The following MMS22L variants were observed in gnomAD, a reference collection of about 807,000 sequenced individuals.
The protein encoded by MMS22L is protein MMS22-like.
Under a neutral mutation model 159.1 loss-of-function variants are expected in MMS22L, and 74 were observed. The ratio of observed to expected loss-of-function variants is 0.47; its 90% CI spans 0.39 to 0.56. The LOEUF is 0.56. MMS22L is among the 20% of genes least tolerant of loss of function. MMS22L has a pLI of 0.00. For synonymous variants in MMS22L, 517 were observed against 506.9 expected (o/e 1.02, Z -0.27); for missense variants, 1,351 against 1,422.1 (o/e 0.95, Z 0.80).
intron 15 of MMS22L, among the ~76,000 whole-genome samples, chr6:97,184,424 C>G (rs1047766592): frequency 6.6e-6 from 1 of 151,972 alleles, no homozygotes; most frequent in Non-Finnish European, 1.5e-5. Flanking sequence ...CTAGCTTGGA[C>G]CTCTTCCTGA....
intron 14 of MMS22L, among the ~76,000 whole-genome samples, chr6:97,224,247 T>C (rs1355253103): frequency 6.6e-6 from 1 of 152,150 alleles, no homozygotes; most frequent in Non-Finnish European, 1.5e-5. Context: ...CTTTATATAA[T>C]TGTCATTCTT....
At chr6:97,162,820 T>C (rs968912228) in intron 21 of MMS22L, among the ~76,000 whole-genome samples, 4 of 151,974 alleles carry the variant, frequency 2.6e-5, no homozygotes, top group Non-Finnish European at 5.9e-5. Context: ...TTAGAACAGG[T>C]CCGGGCCCAT....
At chr6:97,262,275 C>A (rs549423838) in intron 9 of MMS22L, among the ~76,000 whole-genome samples, 4 of 152,094 alleles carry the variant, frequency 2.6e-5, no homozygotes, top group Non-Finnish European at 5.9e-5. Flanking sequence ...ATTAAGTTTA[C>A]ATTTATTTGA....
At chr6:97,273,253 T>C (rs1042253480) in intron 4 of MMS22L, 191 bp from the exon 5 acceptor site, 1 of 579,588 alleles carries the variant, frequency 1.7e-6, no homozygotes, top group Non-Finnish European at 3.0e-6. Flanking sequence ...ACACCCACAT[T>C]GCCCAATCTA....
rs774929129 is a variant in MMS22L at position 97,168,257 on chromosome 6, G to GT, written c.2840-18dup. 6.2e-7 allele frequency: 1 copy of GT among 1,610,446 alleles called. No homozygotes were observed. The highest frequency in any genetic ancestry group is 1.1e-5 in the South Asian group (1 of 90,644). ...CAAGAATTCCTAACAAAGAAGAGAAGTAACAGCATGTTGTTGTTATCCTCT... is the reference window on the plus strand; with the variant it reads ...CAAGAATTCCTAACAAAGAAGAGAAGTTAACAGCATGTTGTTGTTATCCTCT... On this transcript the variant is annotated splice_polypyrimidine_tract_variant and intron_variant, in intron 19 of 24. Coordinates refer to ENST00000683635, the MANE Select transcript of MMS22L (RefSeq NM_001350599.2).
At chr6:97,172,256 C>G (rs1381110238) in intron 19 of MMS22L, among the ~76,000 whole-genome samples, 1 of 152,100 alleles carries the variant, frequency 6.6e-6, no homozygotes, top group South Asian at 2.1e-4. Context: ...CTGTAATTTA[C>G]ATCTTCTATA....
chr6:97,202,587 T>C (rs1020750651), intron 14 of MMS22L, among the ~76,000 whole-genome samples: 2 of 152,136 alleles, frequency 1.3e-5, no homozygotes, highest in African/African-American at 4.8e-5. Context: ...TACTGTAAAG[T>C]AAATAATATC....
At chr6:97,151,900 G>A in intron 22 of MMS22L, 33 bp from the exon 23 acceptor site, 1 of 1,534,396 alleles carries the variant, frequency 6.5e-7, no homozygotes, top group Non-Finnish European at 9.0e-7. Context: ...TAGGCACTGT[G>A]TCTGAATTGA....
chr6:97,175,097 G>T (rs1230158964), intron 18 of MMS22L, among the ~76,000 whole-genome samples: 1 of 152,006 alleles, frequency 6.6e-6, no homozygotes, highest in East Asian at 1.9e-4. Context: ...TATATCTATT[G>T]ATATTTATGA....
intron 18 of MMS22L, among the ~76,000 whole-genome samples, chr6:97,174,152 C>T (rs1473947829): frequency 6.6e-6 from 1 of 151,108 alleles, no homozygotes; most frequent in African/African-American, 2.4e-5. Context: ...ACTTGGGAGG[C>T]TGAGGCAGGA....
chr6:97,278,417 C>CA lies in MMS22L; in HGVS notation c.340+431dup, dbSNP rs529918135. 3.2e-3 allele frequency among the ~76,000 whole-genome samples: 452 copies of CA among 140,596 alleles called. 1 individual carries two copies. Among genetic ancestry groups the CA allele is most frequent in the African/African-American group, 0.011 (408 of 38,268 alleles). The allele number at this position is 140,596 out of a possible 152,430, so 92.2% of individuals were successfully genotyped here. On this transcript the variant is annotated intron_variant, in intron 4 of 24. Transcript: ENST00000683635. ...AACTCCCTATCAAAAAAAAAAAAAG[C>CA]AAAAAAAAACCAACTATACCAATCT...
chr6:97,178,603 T>C lies in MMS22L; in HGVS notation c.2537-18A>G, dbSNP rs937443430. 2.3e-6 allele frequency: 3 copies of C among 1,329,064 alleles called. No individual in the cohort carries two copies. The African/African-American group carries it at 4.5e-5, about 20-fold the overall frequency. The allele number at this position is 1,329,064 out of a possible 1,614,324, so 82.3% of individuals were successfully genotyped here. ...CTCTTTTTCTGTTAAAATAAAATAG[T>C]ATTTGTTATATCAATTTATATAACA... On this transcript the variant is annotated intron_variant, in intron 17 of 24. Coordinates refer to ENST00000683635, the MANE Select transcript of MMS22L (RefSeq NM_001350599.2).
rs189293460 is a variant in MMS22L, at chr6:97,142,220, T to C, written c.*4586A>G. The C allele has an allele frequency of 1.3e-5, 2 of 151,984 alleles. No homozygotes were observed. Among genetic ancestry groups the C allele is most frequent in the Admixed American group, 1.3e-4 (2 of 15,262 alleles). The allele number at this position is 151,984 out of a possible 1,614,324, so 9.4% of individuals were successfully genotyped here. A position where few individuals can be genotyped will look rare whatever the true frequency, so the allele number is the denominator to read the frequency against. ...TTTTATCATATGCACAAATAACTCATAAATATGTATATAAAACTAAAATGT... is the reference window on the plus strand; with the variant it reads ...TTTTATCATATGCACAAATAACTCACAAATATGTATATAAAACTAAAATGT... On this transcript the variant is annotated 3_prime_UTR_variant, in exon 25 of 25. Transcript: ENST00000683635.
chr6:97,227,506 CTT>C (rs1366267300), intron 14 of MMS22L, among the ~76,000 whole-genome samples: 1 of 152,100 alleles, frequency 6.6e-6, no homozygotes, highest in Non-Finnish European at 1.5e-5. Flanking sequence ...CAGGGAATCA[CTT>C]AACATTTATT....
intron 8 of MMS22L, chr6:97,264,563 AAAAG>A (rs1814881397): frequency 6.6e-6 from 1 of 152,192 alleles, no homozygotes; most frequent in Admixed American, 6.5e-5. Context: ...GCAATTATGC[AAAAG>A]AAAGAAAAGG....
intron 19 of MMS22L, among the ~76,000 whole-genome samples, chr6:97,170,664 C>T (rs1362199954): frequency 2.6e-5 from 4 of 151,384 alleles, no homozygotes; most frequent in Non-Finnish European, 5.9e-5. Context: ...GGGATCACTA[C>T]AATATACATT....
intron 14 of MMS22L, among the ~76,000 whole-genome samples, chr6:97,214,125 TCAAA>T (rs1392717225): frequency 6.6e-6 from 1 of 152,180 alleles, no homozygotes; most frequent in African/African-American, 2.4e-5. Context: ...CTACACATAA[TCAAA>T]CAAGTCTATG....
chr6:97,171,073 A>C (rs1257494466), intron 19 of MMS22L, among the ~76,000 whole-genome samples: 1 of 152,176 alleles, frequency 6.6e-6, no homozygotes, highest in Non-Finnish European at 1.5e-5. Flanking sequence ...AGATTAATAA[A>C]GTCATTAAAT....
intron 7 of MMS22L, among the ~76,000 whole-genome samples, chr6:97,269,464 T>C (rs1582854655): frequency 6.6e-6 from 1 of 152,278 alleles, no homozygotes; most frequent in East Asian, 1.9e-4. Flanking sequence ...TGAAAAATGA[T>C]TTGTAAAATC....
Sources: allele counts gnomAD v4.1 joint callset (sites outside exome capture counted in the v4.1 genomes callset), GRCh38; gene constraint gnomAD v4.1.1; transcripts MANE v1.5; gene names NCBI Gene and HGNC (gene_info 2026-07-23, HGNC 2026-07-21).